AMMECR1: variants seen among roughly 807,000 people sequenced by gnomAD.
The protein encoded by AMMECR1 is nuclear protein AMMECR1.
In AMMECR1, 3 loss-of-function variants were observed where a neutral mutation model predicts 22.5. The ratio of observed to expected loss-of-function variants is 0.13; its 90% confidence interval spans 0.06 to 0.35. The LOEUF (loss-of-function observed/expected upper bound fraction) is 0.35, where lower values mean the gene tolerates loss of function less well. Among genes scored for constraint, AMMECR1 ranks in the 10% least tolerant of loss-of-function variants. AMMECR1 has a pLI of 1.00. For synonymous variants in AMMECR1, 130 were observed against 116.7 expected (o/e 1.11, Z -0.74); for missense variants, 235 against 278.7 (o/e 0.84, Z 1.12).
intron 2 of AMMECR1, among the ~76,000 whole-genome samples, chrX:110,414,959 A>G (rs1343039487): frequency 8.9e-6 from 1 of 112,015 alleles, no homozygotes; most frequent in Non-Finnish European, 1.9e-5. Context: ...GAAAGAAGAA[A>G]GCATATATAT....
rs759008612 is a variant in AMMECR1 at position 110,216,582 on chromosome X, C to T, written c.635G>A (p.Arg212Gln). ...FPPMTRDELPRLFCSVSLLTN... is the reference protein window; with the variant it reads ...FPPMTRDELPQLFCSVSLLTN... ...GAGCAGAGACACTGAGCAGAAAAGC[C>T]GTGGCAGCTCATCCCTTGTCATTGG... Residue 212 changes from arginine (R) to glutamine (Q), a missense_variant, in exon 3 of 6, where the codon CGG (arginine) becomes CAG (glutamine). Arg to Gln is a conservative substitution (Grantham distance 43, BLOSUM62 1). Around this residue, in one of 2 missense-constraint regions of AMMECR1, gnomAD observed 111 missense variants for 181.7 expected, o/e 0.61. Transcript: ENST00000262844. 2 of 1,208,873 alleles carry T rather than the reference C, an allele frequency of 1.7e-6. No individual in the cohort carries two copies. The highest frequency in any genetic ancestry group is 2.2e-6 in the Non-Finnish European group (2 of 893,468).
intron 3 of AMMECR1, among the ~76,000 whole-genome samples, chrX:110,212,532 C>A (rs1437410013): frequency 4.5e-5 from 5 of 112,199 alleles, no homozygotes; most frequent in Admixed American, 3.8e-4. Flanking sequence ...CATTATCTAT[C>A]TTCAACTTTA....
chrX:110,382,528 G>A (rs1359744944), intron 2 of AMMECR1, among the ~76,000 whole-genome samples: 1 of 111,622 alleles, frequency 9.0e-6, no homozygotes, highest in East Asian at 2.8e-4. Flanking sequence ...AAGGAAGGGT[G>A]TAACTCATAG....
At chrX:110,199,169 C>A (rs1020494018) in intron 5 of AMMECR1, among the ~76,000 whole-genome samples, 2 of 111,632 alleles carry the variant, frequency 1.8e-5, no homozygotes, top group African/African-American at 3.3e-5. Flanking sequence ...CACTACTACT[C>A]AGCTCAGTGC....
At chrX:110,429,354 A>G (rs1336864871) in intron 1 of AMMECR1, among the ~76,000 whole-genome samples, 2 of 111,591 alleles carry the variant, frequency 1.8e-5, no homozygotes, top group Non-Finnish European at 3.8e-5. Flanking sequence ...AACAGTAGAC[A>G]CTGCAAACCT....
At chrX:110,411,551 G>A (rs1251770908) in intron 2 of AMMECR1, among the ~76,000 whole-genome samples, 1 of 112,116 alleles carries the variant, frequency 8.9e-6, no homozygotes, top group Non-Finnish European at 1.9e-5. Flanking sequence ...GGGAGTCTTT[G>A]CAAAGCAACG....
intron 2 of AMMECR1, among the ~76,000 whole-genome samples, chrX:110,416,771 C>G (rs1039354285): frequency 1.8e-5 from 2 of 112,177 alleles, no homozygotes; most frequent in South Asian, 7.5e-4. Context: ...AAAACATACT[C>G]CTGTCCTTCT....
chrX:110,319,230 G>A (rs781559701), upstream of AMMECR1, among the ~76,000 whole-genome samples: 5 of 112,264 alleles, frequency 4.5e-5, no homozygotes, highest in Admixed American at 3.7e-4. Flanking sequence ...GTTAAAATTC[G>A]TAGAAATGAA....
At chrX:110,271,385 GAA>G (rs2067797529) in intron 1 of AMMECR1, among the ~76,000 whole-genome samples, 1 of 112,482 alleles carries the variant, frequency 8.9e-6, no homozygotes, top group Non-Finnish European at 1.9e-5. Flanking sequence ...AATGCCAGAG[GAA>G]GGAAGGCAGA....
chrX:110,249,701 A>T (rs1216249102), intron 2 of AMMECR1, among the ~76,000 whole-genome samples: 1 of 112,104 alleles, frequency 8.9e-6, no homozygotes, highest in African/African-American at 3.2e-5. Context: ...AGAGATCGAG[A>T]CTATCCTGGC....
intron 2 of AMMECR1, among the ~76,000 whole-genome samples, chrX:110,382,473 T>C (rs747324218): frequency 9.0e-6 from 1 of 111,017 alleles, no homozygotes; most frequent in Admixed American, 9.6e-5. Context: ...GGGAGAACCA[T>C]GGATTTGAGG....
chrX:110,348,847 G>A (rs895273081), intron 2 of AMMECR1, among the ~76,000 whole-genome samples: 2 of 111,987 alleles, frequency 1.8e-5, no homozygotes, highest in East Asian at 5.6e-4. Flanking sequence ...CCCTAAGAAA[G>A]GGGAAGTAAA....
intron 3 of AMMECR1, among the ~76,000 whole-genome samples, chrX:110,204,271 T>G (rs2148163800): frequency 9.0e-6 from 1 of 111,536 alleles, no homozygotes; most frequent in South Asian, 3.7e-4. Context: ...TACTCCATCA[T>G]CCACTGAAGT....
chrX:110,224,526 TA>T (rs72368540), intron 2 of AMMECR1, among the ~76,000 whole-genome samples: 4,654 of 109,209 alleles, frequency 0.043, 283 homozygotes, highest in African/African-American at 0.15. Flanking sequence ...TTTACAGAAA[TA>T]AAAAAAAGAT....
intron 2 of AMMECR1, among the ~76,000 whole-genome samples, chrX:110,409,334 A>G (rs781279816): frequency 9.0e-6 from 1 of 111,325 alleles, no homozygotes; most frequent in African/African-American, 3.3e-5. Flanking sequence ...TCTTATCTTG[A>G]GACATGCTGG....
Position 110,408,700 on chromosome X carries a change from A to G in AMMECR1, c.-148+17958T>C, listed in dbSNP as rs143101261. ...TGTGATGTTGCTTTTGGAATTAATC[A>G]ATATAACATATCAGTTTGTGTCCAT... On this transcript the variant is annotated intron_variant, in intron 2 of 7. Coordinates refer to the AMMECR1 transcript ENST00000372057. Among the ~76,000 whole-genome samples, 820 of 112,259 alleles carry G rather than the reference A, an allele frequency of 7.3e-3. 8 individuals are homozygous for G. Among genetic ancestry groups the G allele is most frequent in the Non-Finnish European group, 0.012 (636 of 53,231 alleles).
chrX:110,408,995 C>G (rs906259860), intron 2 of AMMECR1, among the ~76,000 whole-genome samples: 4 of 111,718 alleles, frequency 3.6e-5, no homozygotes, highest in Admixed American at 2.9e-4. Context: ...GATGTTAAGT[C>G]TGATAAGGTT....
chrX:110,346,726 G>A, intron 2 of AMMECR1: 1 of 817,723 alleles, frequency 1.2e-6, no homozygotes, highest in Non-Finnish European at 1.9e-6. Context: ...CAGACTTTCT[G>A]GGGTCTGAAG....
chrX:110,261,753 A>G (rs769318114), intron 2 of AMMECR1, among the ~76,000 whole-genome samples: 2 of 111,676 alleles, frequency 1.8e-5, no homozygotes, highest in Non-Finnish European at 3.8e-5. Context: ...TATGATTTAT[A>G]AAATTTATAG....
Sources: gnomAD v4.1 joint callset for allele counts (sites outside exome capture counted in the v4.1 genomes callset) on GRCh38, gnomAD v4.1.1 for gene constraint, gnomAD v4.1.1 regional missense constraint, MANE v1.5 for transcripts, NCBI Gene and HGNC (gene_info 2026-07-23, HGNC 2026-07-21) for gene names.